Variants in MAP3K15 observed in about 807,000 individuals in gnomAD.
MAP3K15 encodes MAPK/ERK kinase kinase 15.
Under a neutral mutation model 99.5 loss-of-function variants are expected in MAP3K15, and 124 were observed. The observed-to-expected ratio is 1.25, with a 90% CI of 1.08 to 1.45. The LOEUF (loss-of-function observed/expected upper bound fraction) is 1.45. MAP3K15 is among the 40% of genes most tolerant of loss of function. The pLI, the probability that MAP3K15 is intolerant of heterozygous loss-of-function variation, is 0.00. For missense variants in MAP3K15, 1,242 were observed against 1,079.7 expected (o/e 1.15, Z -2.11); for synonymous variants, 494 against 439.6 (o/e 1.12, Z -1.55).
chrX:19,444,432 G>A (rs761240633), intron 6 of MAP3K15, among the ~76,000 whole-genome samples: 17 of 111,529 alleles, frequency 1.5e-4, no homozygotes, highest in Non-Finnish European at 2.4e-4. Context: ...CCAAATCTAC[G>A]TGTGCAAAAT....
intron 18 of MAP3K15, among the ~76,000 whole-genome samples, chrX:19,391,098 C>T (rs1389499802): frequency 9.0e-6 from 1 of 111,098 alleles, no homozygotes; most frequent in Non-Finnish European, 1.9e-5. Flanking sequence ...CAAGTTATTC[C>T]ATTACTGACA....
rs56039350 is a variant in MAP3K15, at chrX:19,361,030, G to A, written c.3858-197C>T. On this transcript the variant is annotated intron_variant, in intron 28 of 28. Transcript: ENST00000338883. ...GAGAGCTGGCTATTTCAAATGACTC[G>A]GGAACAAGAAGGCAGGCTGCAGTTT... 0.1 allele frequency: 43,551 copies of A among 420,027 alleles called. 5,723 individuals carry two copies. Among genetic ancestry groups the A allele is most frequent in the African/African-American group, 0.59 (23,832 of 40,313 alleles). 34.6% of individuals were successfully genotyped at this position (420,027 alleles called of 1,213,427 possible). A position where few individuals can be genotyped will look rare whatever the true frequency, so the allele number is the denominator to read the frequency against.
chrX:19,445,408 T>C (rs1309414361), intron 6 of MAP3K15, among the ~76,000 whole-genome samples: 1 of 106,434 alleles, frequency 9.4e-6, no homozygotes, highest in African/African-American at 3.4e-5. Context: ...CTGGCCAACA[T>C]AGTGAAACCT....
chrX:19,477,489 C>T (rs1437814013), intron 3 of MAP3K15, among the ~76,000 whole-genome samples: 1 of 110,285 alleles, frequency 9.1e-6, no homozygotes, highest in East Asian at 2.9e-4. Flanking sequence ...GCAGGCAGAT[C>T]ATCTGAGCTC....
chrX:19,369,761 T>A (rs2063361063), intron 24 of MAP3K15, among the ~76,000 whole-genome samples: 1 of 109,641 alleles, frequency 9.1e-6, no homozygotes, highest in African/African-American at 3.4e-5. Context: ...CTAAAAAAAA[T>A]TAGCTGGGTG....
At chrX:19,497,129 G>A (rs190447974) in intron 1 of MAP3K15, 4 of 109,754 alleles carry the variant, frequency 3.6e-5, no homozygotes, top group East Asian at 5.7e-4. Flanking sequence ...TAAGCACATT[G>A]GATGCAGTAT....
At chrX:19,474,743 A>G (rs1222880092) in intron 3 of MAP3K15, among the ~76,000 whole-genome samples, 4 of 111,154 alleles carry the variant, frequency 3.6e-5, no homozygotes, top group Non-Finnish European at 7.5e-5. Context: ...GAGATCTCAG[A>G]ATAACTTTTA....
chrX:19,509,273 C>T (rs987294320), intron 1 of MAP3K15, among the ~76,000 whole-genome samples: 1 of 111,914 alleles, frequency 8.9e-6, no homozygotes, highest in African/African-American at 3.3e-5. Context: ...GAACTCTCCA[C>T]CCCAAGTCAA....
chrX:19,446,756 G>A (rs746177104), intron 6 of MAP3K15, among the ~76,000 whole-genome samples: 23 of 110,958 alleles, frequency 2.1e-4, no homozygotes, highest in African/African-American at 6.9e-4. Flanking sequence ...TGAAATACAC[G>A]GGGTGGCATC....
intron 9 of MAP3K15, among the ~76,000 whole-genome samples, chrX:19,424,467 G>T: frequency 9.1e-6 from 1 of 109,906 alleles, no homozygotes; most frequent in Non-Finnish European, 1.9e-5. Context: ...CAAGTCACAT[G>T]CCAAACACAT....
intron 6 of MAP3K15, among the ~76,000 whole-genome samples, chrX:19,439,354 A>C (rs886379431): frequency 8.9e-6 from 1 of 112,092 alleles, no homozygotes; most frequent in African/African-American, 3.2e-5. Flanking sequence ...TTATAGCAAT[A>C]TGAGAACGGC....
At position 19,457,157 on chromosome X, in the gene MAP3K15, T is replaced by C. The variant is rs1289580063; in HGVS notation, c.889-138A>G. 4 of 422,459 alleles carry C rather than the reference T, an allele frequency of 9.5e-6. No individual in the cohort carries two copies. The African/African-American group carries it at 9.8e-5, about 10-fold the overall frequency. The allele number at this position is 422,459 out of a possible 1,213,427, so 34.8% of individuals were successfully genotyped here. On this transcript the variant is annotated intron_variant, in intron 5 of 28. Transcript: ENST00000338883. ...TACAAAGGGCATTTAGTGAAGTTAC[T>C]TGTAGCCTTTAATAGGAGGGAAAAA...
At chrX:19,505,174 C>T (rs1175264156) in intron 1 of MAP3K15, among the ~76,000 whole-genome samples, 1 of 107,236 alleles carries the variant, frequency 9.3e-6, no homozygotes, top group African/African-American at 3.6e-5. Context: ...AACCTGATGG[C>T]TGATGGTCCA....
chrX:19,446,493 T>C (rs188559648), intron 6 of MAP3K15, among the ~76,000 whole-genome samples: 4 of 111,108 alleles, frequency 3.6e-5, no homozygotes, highest in Admixed American at 9.5e-5. Flanking sequence ...GCCATGCAGA[T>C]AGTGGTGGAG....
intron 6 of MAP3K15, 76 bp downstream of exon 6, chrX:19,456,837 G>A (rs754363752): frequency 1.3e-5 from 10 of 744,341 alleles, no homozygotes; most frequent in East Asian, 3.5e-5. Context: ...GCTCATACCC[G>A]ATGTTGAATG....
intron 5 of MAP3K15, among the ~76,000 whole-genome samples, chrX:19,459,530 C>CCTAGGTCA (rs1373326882): frequency 8.9e-6 from 1 of 112,297 alleles, no homozygotes; most frequent in Admixed American, 9.4e-5. Context: ...GACCTATGAC[C>CCTAGGTCA]TAGCCACATA....
In MAP3K15 at chrX:19,419,826, T is replaced by C. The variant is rs4642822; in HGVS notation, c.1440-4569A>G. Among the ~76,000 whole-genome samples, 5 of 111,695 alleles carry C rather than the reference T, an allele frequency of 4.5e-5. No homozygotes were observed. The East Asian group carries it at 1.4e-3, about 31-fold the overall frequency. On this transcript the variant is annotated intron_variant, in intron 9 of 28. Transcript: ENST00000338883. Reference sequence around the variant, plus strand: ...TTAGCAAATGTGAAAGAACAGAAATTATAACAAACTCTCTCTCAGACCACA... The same window carrying C: ...TTAGCAAATGTGAAAGAACAGAAATCATAACAAACTCTCTCTCAGACCACA...
At chrX:19,423,442 A>G (rs967065210) in intron 9 of MAP3K15, among the ~76,000 whole-genome samples, 6 of 110,640 alleles carry the variant, frequency 5.4e-5, no homozygotes, top group Non-Finnish European at 5.7e-5. Flanking sequence ...GACTCTGACC[A>G]CACCTTTGCT....
intron 3 of MAP3K15, among the ~76,000 whole-genome samples, chrX:19,482,632 G>T (rs1313869183): frequency 8.9e-6 from 1 of 111,898 alleles, no homozygotes; most frequent in Non-Finnish European, 1.9e-5. Context: ...GCATTTTGGG[G>T]TCAGGGAAAT....
Sources: allele counts gnomAD v4.1 joint callset (sites outside exome capture counted in the v4.1 genomes callset), GRCh38; gene constraint gnomAD v4.1.1; transcripts MANE v1.5; gene names NCBI Gene and HGNC (gene_info 2026-07-23, HGNC 2026-07-21).